The following TXLNA variants were observed in gnomAD, a reference collection of about 807,000 sequenced individuals.
The protein encoded by TXLNA is taxilin alpha.
In TXLNA, 9 loss-of-function variants were observed where a neutral mutation model predicts 61.4. The observed-to-expected ratio is 0.15, with a 90% CI of 0.09 to 0.26. The LOEUF (loss-of-function observed/expected upper bound fraction) is 0.26. Among genes scored for constraint, TXLNA ranks in the 10% least tolerant of loss-of-function variants. TXLNA has a pLI of 1.00. For missense variants in TXLNA, 565 were observed against 688.8 expected (o/e 0.82, Z 2.01); for synonymous variants, 257 against 267.7 (o/e 0.96, Z 0.39).
intron 10 of TXLNA, among the ~76,000 whole-genome samples, chr1:32,194,634 G>T (rs772548601): frequency 3.3e-5 from 5 of 152,138 alleles, no homozygotes; most frequent in Non-Finnish European, 7.4e-5. Context: ...CTGTTTTATA[G>T]ATGAGACAGG....
intron 3 of TXLNA, among the ~76,000 whole-genome samples, chr1:32,183,980 G>A (rs1044445131): frequency 3.3e-5 from 5 of 152,016 alleles, no homozygotes; most frequent in African/African-American, 1.2e-4. Context: ...CTCGTGATCC[G>A]CCTGCCTCGG....
At chr1:32,180,092 A>G in intron 1 of TXLNA, 1 of 402,124 alleles carries the variant, frequency 2.5e-6, no homozygotes. Context: ...CAGGGAGAAG[A>G]GGCCTCTTCC....
At chr1:32,182,992 G>A (rs1205631847) in intron 3 of TXLNA, among the ~76,000 whole-genome samples, 3 of 150,976 alleles carry the variant, frequency 2.0e-5, no homozygotes, top group African/African-American at 4.9e-5. Flanking sequence ...ACTTGAACCC[G>A]TGAGGCAGAG....
At chr1:32,185,069 C>G (rs1642752532) in intron 4 of TXLNA, among the ~76,000 whole-genome samples, 1 of 152,138 alleles carries the variant, frequency 6.6e-6, no homozygotes, top group Non-Finnish European at 1.5e-5. Context: ...GTAGGATGCC[C>G]CCTTCTAGCT....
chr1:32,188,170 TC>T (rs1168045736), intron 5 of TXLNA, 46 bp downstream of exon 5: 16 of 1,507,214 alleles, frequency 1.1e-5, no homozygotes, highest in East Asian at 2.5e-5. Context: ...TTCCTTGACT[TC>T]CACTTAATGT....
chr1:32,183,620 C>T (rs1244763258), intron 3 of TXLNA, among the ~76,000 whole-genome samples: 2 of 148,276 alleles, frequency 1.3e-5, no homozygotes, highest in Non-Finnish European at 3.0e-5. Flanking sequence ...TTAGTAGAGA[C>T]GGGGTTTCAC....
Position 32,180,427 on chromosome 1 carries a change from G to C in TXLNA, c.82G>C (p.Glu28Gln), listed in dbSNP as rs1170296159. Residue 28 changes from glutamate to glutamine, a missense_variant, in exon 2 of 11, where the codon GAG (glutamate) becomes CAG (glutamine). This residue lies in a region of TXLNA where 192 missense variants were observed against 184.8 expected (regional missense o/e 1.04). Transcript: ENST00000373610. The part of the protein sequence containing the change: ...SSPGQPEAGP[E>Q]GAQERPSQAA... ...CCCAGGACAACCGGAAGCAGGACCC[G>C]AGGGAGCCCAGGAGCGGCCCAGCCA... 1 of 1,613,812 alleles carries C rather than the reference G, an allele frequency of 6.2e-7. No individual in the cohort carries two copies. The highest frequency in any genetic ancestry group is 8.5e-7 in the Non-Finnish European group (1 of 1,179,920).
intron 3 of TXLNA, among the ~76,000 whole-genome samples, chr1:32,182,412 G>A (rs1309718014): frequency 6.6e-6 from 1 of 152,140 alleles, no homozygotes; most frequent in Non-Finnish European, 1.5e-5. Flanking sequence ...TGTAATTGCA[G>A]CACTTTGGGA....
At position 32,192,205 on chromosome 1, in the gene TXLNA, A is replaced by T; in HGVS notation, c.964-106A>T. 1 of 1,507,440 alleles carries T rather than the reference A, an allele frequency of 6.6e-7. No homozygotes were observed. The highest frequency in any genetic ancestry group is 9.0e-7 in the Non-Finnish European group (1 of 1,109,728). The allele number at this position is 1,507,440 out of a possible 1,614,324, so 93.4% of individuals were successfully genotyped here. A position where few individuals can be genotyped will look rare whatever the true frequency, so the allele number is the denominator to read the frequency against. ...GGTACACATGGGAGTCCATCATATC[A>T]GATTGAGATGGGGGGCTGGGCAAAG... On this transcript the variant is annotated intron_variant, in intron 6 of 10. Coordinates refer to ENST00000373610, the MANE Select transcript of TXLNA (RefSeq NM_175852.4). The surrounding 1 kb of genome is among the most constrained non-coding windows in gnomAD (Gnocchi z 4.2).
chr1:32,197,968 G>C lies in TXLNA; in HGVS notation c.*2773G>C, dbSNP rs1274316106. 6.6e-6 allele frequency: 1 copy of C among 152,490 alleles called. No individual in the cohort carries two copies. Among genetic ancestry groups the C allele is most frequent in the Non-Finnish European group, 1.5e-5 (1 of 68,232 alleles). The allele number at this position is 152,490 out of a possible 1,614,324, so 9.4% of individuals were successfully genotyped here. A position where few individuals can be genotyped will look rare whatever the true frequency, so the allele number is the denominator to read the frequency against. ...GCCCTGAGGGCTGACCCGGAGGCCA[G>C]TGGAGCTGCCTGGTGTCCACGGGGG... On this transcript the variant is annotated 3_prime_UTR_variant, in exon 11 of 11. Transcript: ENST00000373610. The surrounding 1 kb of genome is among the most constrained non-coding windows in gnomAD (Gnocchi z 4.6).
At chr1:32,184,109 TA>T (rs1321856948) in intron 3 of TXLNA, among the ~76,000 whole-genome samples, 1 of 152,230 alleles carries the variant, frequency 6.6e-6, no homozygotes, top group Non-Finnish European at 1.5e-5. Context: ...TCAAGGAGGC[TA>T]AGATACCTAT....
chr1:32,190,064 G>A lies in TXLNA; in HGVS notation c.778G>A (p.Val260Met), dbSNP rs745349394. 2 of 1,573,402 alleles carry A rather than the reference G, an allele frequency of 1.3e-6. No individual in the cohort carries two copies. Among genetic ancestry groups the A allele is most frequent in the Non-Finnish European group, 8.6e-7 (1 of 1,158,472 alleles). The change falls in exon 6 of 11, where the codon GTG becomes ATG. Residue 260 changes from valine to methionine, a missense_variant. By Grantham distance (21) the Val-to-Met change is conservative (BLOSUM62 1). Around this residue, in one of 2 missense-constraint regions of TXLNA, gnomAD observed 373 missense variants for 504.0 expected, o/e 0.74. Coordinates refer to ENST00000373610, the MANE Select transcript of TXLNA (RefSeq NM_175852.4). Reference sequence around the variant, plus strand: ...TGACTTCTTTGCCCAGGAAGAAGGTGTGCAGCGGGCCCGGGAGGAGGAGGA... The same window carrying A: ...TGACTTCTTTGCCCAGGAAGAAGGTATGCAGCGGGCCCGGGAGGAGGAGGA... ...RHNRSLKEEGVQRAREEEEKR... is the reference protein window; with the variant it reads ...RHNRSLKEEGMQRAREEEEKR...
chr1:32,181,725 G>A (rs955548009), intron 3 of TXLNA, 148 bp downstream of exon 3: 17 of 777,800 alleles, frequency 2.2e-5, no homozygotes, highest in Non-Finnish European at 3.2e-5. Context: ...AGCCAGGGAT[G>A]TGGGGGCCAC....
rs1569637052 is a variant in TXLNA, at chr1:32,195,476, T to C, written c.*281T>C. On this transcript the variant is annotated 3_prime_UTR_variant, in exon 11 of 11. Transcript: ENST00000373610. ...AGTGGCTTGTCTGTGAGCTGAAGAG[T>C]CTTGAGAGGGGCTGTCATCTGTAGC... The C allele has an allele frequency of 1.8e-6, 1 of 547,070 alleles. No homozygotes were observed. The highest frequency in any genetic ancestry group is 3.3e-6 in the Non-Finnish European group (1 of 304,816). The allele number at this position is 547,070 out of a possible 1,614,324, so 33.9% of individuals were successfully genotyped here.
At chr1:32,191,637 C>T (rs1173289373) in intron 6 of TXLNA, among the ~76,000 whole-genome samples, 1 of 152,174 alleles carries the variant, frequency 6.6e-6, no homozygotes, top group African/African-American at 2.4e-5. Flanking sequence ...TTTGCATTTA[C>T]AGCCCTCCCC....
intron 3 of TXLNA, 57 bp downstream of exon 3, chr1:32,181,634 G>T (rs72875183): frequency 7.1e-7 from 1 of 1,404,810 alleles, no homozygotes; most frequent in African/African-American, 1.4e-5. Context: ...TGGACTTGAC[G>T]TTCTCTGGGC....
chr1:32,183,346 G>A (rs1200059164), intron 3 of TXLNA, among the ~76,000 whole-genome samples: 5 of 148,688 alleles, frequency 3.4e-5, no homozygotes, highest in African/African-American at 1.2e-4. Context: ...GGATAGTCTC[G>A]ATCTCCTGAC....
rs773077233 is a variant in TXLNA at position 32,195,787 on chromosome 1, G to A, written c.*592G>A. On this transcript the variant is annotated 3_prime_UTR_variant, in exon 11 of 11. Coordinates refer to ENST00000373610, the MANE Select transcript of TXLNA (RefSeq NM_175852.4). ...CAAGGGACCTGGAGAATGTTTTTGCGTGGGATGATGTGCTGGTCAGGAGCC... is the reference window on the plus strand; with the variant it reads ...CAAGGGACCTGGAGAATGTTTTTGCATGGGATGATGTGCTGGTCAGGAGCC... The A allele has an allele frequency of 7.0e-5, 32 of 456,064 alleles. No individual in the cohort carries two copies. The highest frequency in any genetic ancestry group is 3.1e-4 in the Admixed American group (13 of 42,564). The allele number at this position is 456,064 out of a possible 1,614,324, so 28.3% of individuals were successfully genotyped here. A position where few individuals can be genotyped will look rare whatever the true frequency, so the allele number is the denominator to read the frequency against.
intron 9 of TXLNA, among the ~76,000 whole-genome samples, chr1:32,193,526 T>TTTGTTG (rs373486404): frequency 5.3e-4 from 79 of 148,932 alleles, no homozygotes; most frequent in East Asian, 2.2e-3. Flanking sequence ...TTTTGGGGGG[T>TTTGTTG]TTGTTGTTGT....
Sources: gnomAD v4.1 joint callset for allele counts (sites outside exome capture counted in the v4.1 genomes callset) on GRCh38, gnomAD v4.1.1 for gene constraint, gnomAD v4.1.1 regional missense constraint, Gnocchi (gnomAD v3.1) non-coding constraint, MANE v1.5 for transcripts, NCBI Gene and HGNC (gene_info 2026-07-23, HGNC 2026-07-21) for gene names.